Variants in CRMP1 observed in about 807,000 individuals in gnomAD.
The protein encoded by CRMP1 is collapsin response mediator protein 1, also known as dihydropyrimidinase-related protein 1.
In CRMP1, 19 loss-of-function variants were observed where a neutral mutation model predicts 68.3. That is an observed-to-expected ratio of 0.28 (90% CI 0.19 to 0.41). The LOEUF is 0.41. Among genes scored for constraint, CRMP1 ranks in the 10% least tolerant of loss-of-function variants. The pLI is 1.00. For synonymous variants in CRMP1, 439 were observed against 399.6 expected (o/e 1.10, Z -1.18); for missense variants, 791 against 967.4 (o/e 0.82, Z 2.42).
At chr4:5,832,666 G>A (rs988010131) in intron 11 of CRMP1, among the ~76,000 whole-genome samples, 5 of 152,088 alleles carry the variant, frequency 3.3e-5, no homozygotes, top group African/African-American at 7.2e-5. Flanking sequence ...ACCACCTCAC[G>A]GAATCCTCAA....
intron 12 of CRMP1, chr4:5,827,970 A>G: frequency 2.2e-6 from 2 of 921,212 alleles, no homozygotes; most frequent in Non-Finnish European, 2.6e-6. Context: ...GTTCAAGGAA[A>G]ATAAGGAACG....
At chr4:5,882,101 C>T (rs545670133) in intron 1 of CRMP1, among the ~76,000 whole-genome samples, 1 of 152,336 alleles carries the variant, frequency 6.6e-6, no homozygotes, top group East Asian at 1.9e-4. Context: ...TTTTACATGT[C>T]AGAACTTTCA....
chr4:5,834,906 G>A lies in CRMP1; in HGVS notation c.1623+1009C>T, dbSNP rs561877591. The stretch of plus-strand genomic sequence containing the variant: ...CGGACAAGGTCAGTGAGCAGCTACC[G>A]AGACCTCTGCTTCTGCAGGCCATGT... On this transcript the variant is annotated intron_variant, in intron 11 of 13. Coordinates refer to ENST00000324989, the MANE Select transcript of CRMP1 (RefSeq NM_001014809.3). The surrounding 1 kb of genome is among the most constrained non-coding windows in gnomAD (Gnocchi z 4.3). Among the ~76,000 whole-genome samples the A allele has an allele frequency of 9.2e-4, 140 of 152,300 alleles. No individual in the cohort carries two copies. Among genetic ancestry groups the A allele is most frequent in the African/African-American group, 2.7e-3 (112 of 41,580 alleles).
chr4:5,846,583 T>C lies in CRMP1; in HGVS notation c.963+2809A>G, dbSNP rs112496438. Among the ~76,000 whole-genome samples the C allele has an allele frequency of 7.7e-3, 1,084 of 141,474 alleles. 16 individuals are homozygous for C. Among genetic ancestry groups the C allele is most frequent in the African/African-American group, 0.025 (1,004 of 39,710 alleles). 92.8% of individuals were successfully genotyped at this position (141,474 alleles called of 152,430 possible). On this transcript the variant is annotated intron_variant, in intron 6 of 13. Transcript: ENST00000324989. Reference sequence around the variant, plus strand: ...AGGCATGTGATGTGAAAAGAAGCAGTTGGATCCCCAAAATTCTTTTTTTTT... The same window carrying C: ...AGGCATGTGATGTGAAAAGAAGCAGCTGGATCCCCAAAATTCTTTTTTTTT...
chr4:5,863,485 G>A (rs1427026666), intron 2 of CRMP1, among the ~76,000 whole-genome samples: 2 of 152,160 alleles, frequency 1.3e-5, no homozygotes, highest in Admixed American at 6.5e-5. Flanking sequence ...GACTGTCCCT[G>A]AACAGGGATT....
intron 13 of CRMP1, among the ~76,000 whole-genome samples, chr4:5,822,673 G>A (rs983758882): frequency 1.3e-5 from 2 of 152,172 alleles, no homozygotes; most frequent in African/African-American, 4.8e-5. Flanking sequence ...GCTGAAAGGT[G>A]GGAAGGATAG....
At chr4:5,848,084 A>G (rs1439029115) in intron 6 of CRMP1, among the ~76,000 whole-genome samples, 11 of 149,478 alleles carry the variant, frequency 7.4e-5, no homozygotes, top group Admixed American at 7.3e-4. Context: ...TCCATCTCCT[A>G]TCTCCTCTCT....
At chr4:5,845,807 A>T (rs1037236361) in intron 6 of CRMP1, among the ~76,000 whole-genome samples, 1 of 152,240 alleles carries the variant, frequency 6.6e-6, no homozygotes, top group African/African-American at 2.4e-5. Context: ...ACAGCAATTT[A>T]AATAGCCTTG....
chr4:5,833,086 G>T (rs1394615198), intron 11 of CRMP1, among the ~76,000 whole-genome samples: 1 of 152,156 alleles, frequency 6.6e-6, no homozygotes, highest in Non-Finnish European at 1.5e-5. Flanking sequence ...GGCCTGGAAG[G>T]GGTCTGCCCC....
Position 5,838,032 on chromosome 4 carries a change from G to A in CRMP1, c.1311-1126C>T, listed in dbSNP as rs545350717. ...AGTGTCAGGGATTCAACCAAAGCAG[G>A]TGGGGATGAGGCGTGCTGGGGACAG... On this transcript the variant is annotated intron_variant, in intron 9 of 13. Coordinates refer to ENST00000324989, the MANE Select transcript of CRMP1 (RefSeq NM_001014809.3). This position sits in a 1 kb window ranked among gnomAD's most constrained non-coding sequence, Gnocchi z 4.9. Among the ~76,000 whole-genome samples, 1 of 152,320 alleles carries A rather than the reference G, an allele frequency of 6.6e-6. No homozygotes were observed. The highest frequency in any genetic ancestry group is 1.9e-4 in the East Asian group (1 of 5,172).
Position 5,879,097 on chromosome 4 carries a change from C to A in CRMP1, c.382-12341G>T, listed in dbSNP as rs931815024. Among the ~76,000 whole-genome samples the A allele has an allele frequency of 6.6e-6, 1 of 152,224 alleles. No individual in the cohort carries two copies. The highest frequency in any genetic ancestry group is 2.4e-5 in the African/African-American group (1 of 41,460). ...TGCCTCGCTTCTCCTCAAAATCCTT[C>A]ACCAGCTTGTCCTCATCTGTAGGAC... On this transcript the variant is annotated intron_variant, in intron 1 of 13. Transcript: ENST00000324989. This position sits in a 1 kb window ranked among gnomAD's most constrained non-coding sequence, Gnocchi z 4.2.
intron 9 of CRMP1, among the ~76,000 whole-genome samples, chr4:5,837,678 T>A (rs201785280): frequency 1.3e-4 from 17 of 126,292 alleles, no homozygotes; most frequent in Middle Eastern, 3.6e-3. Flanking sequence ...TAAAATAAAA[T>A]AAATAAAATA....
rs1405500234 is a variant in CRMP1 at position 5,890,949 on chromosome 4, A to C, written c.381+1640T>G. 6.6e-6 allele frequency among the ~76,000 whole-genome samples: 1 copy of C among 152,100 alleles called. No individual in the cohort carries two copies. Among genetic ancestry groups the C allele is most frequent in the Admixed American group, 6.5e-5 (1 of 15,286 alleles). Reference sequence around the variant, plus strand: ...CTGACAGATGGAGAAGCTGAGGCCCAAGAGAGCAAAGCGCCTTGGCTGGAA... The same window carrying C: ...CTGACAGATGGAGAAGCTGAGGCCCCAGAGAGCAAAGCGCCTTGGCTGGAA... On this transcript the variant is annotated intron_variant, in intron 1 of 13. Transcript: ENST00000324989. The surrounding 1 kb of genome is among the most constrained non-coding windows in gnomAD (Gnocchi z 5.5).
rs1715860920 is a variant in CRMP1 at position 5,889,900 on chromosome 4, G to A, written c.381+2689C>T. 1 of 1,407,494 alleles carries A rather than the reference G, an allele frequency of 7.1e-7. No individual in the cohort carries two copies. The highest frequency in any genetic ancestry group is 9.2e-7 in the Non-Finnish European group (1 of 1,082,322). The allele number at this position is 1,407,494 out of a possible 1,614,324, so 87.2% of individuals were successfully genotyped here. A position where few individuals can be genotyped will look rare whatever the true frequency, so the allele number is the denominator to read the frequency against. ...CAGAGAAGCCAGCTCAGTATCCCAG[G>A]AACACTAGGCATAATTTTCCCATTT... On this transcript the variant is annotated intron_variant, in intron 1 of 13. Transcript: ENST00000324989. The surrounding 1 kb of genome is among the most constrained non-coding windows in gnomAD (Gnocchi z 4.5).
In CRMP1 at chr4:5,889,513, G is replaced by C. The variant is rs746858170; in HGVS notation, c.381+3076C>G. ...GCCAGGTCACAGCTTGACAAGGTCCGTAACAGCAGAGGGGAAAAGATGAAA... is the reference window on the plus strand; with the variant it reads ...GCCAGGTCACAGCTTGACAAGGTCCCTAACAGCAGAGGGGAAAAGATGAAA... On this transcript the variant is annotated intron_variant, in intron 1 of 13. Coordinates refer to ENST00000324989, the MANE Select transcript of CRMP1 (RefSeq NM_001014809.3). The surrounding 1 kb of genome is among the most constrained non-coding windows in gnomAD (Gnocchi z 4.5). 2 of 1,504,042 alleles carry C rather than the reference G, an allele frequency of 1.3e-6. No homozygotes were observed. Among genetic ancestry groups the C allele is most frequent in the Non-Finnish European group, 8.9e-7 (1 of 1,118,704 alleles). 93.2% of individuals were successfully genotyped at this position (1,504,042 alleles called of 1,614,324 possible).
At chr4:5,862,432 C>T (rs560837585) in intron 2 of CRMP1, among the ~76,000 whole-genome samples, 2 of 152,306 alleles carry the variant, frequency 1.3e-5, no homozygotes, top group South Asian at 4.1e-4. Flanking sequence ...ATCCTTTCTT[C>T]CCCAGTCCTT....
intron 6 of CRMP1, among the ~76,000 whole-genome samples, chr4:5,848,206 G>A (rs551856067): frequency 1.9e-4 from 29 of 150,976 alleles, no homozygotes; most frequent in Non-Finnish European, 3.2e-4. Context: ...GTGCAGTGGC[G>A]TGATCTCAGC....
At chr4:5,848,488 C>T (rs965020254) in intron 6 of CRMP1, among the ~76,000 whole-genome samples, 8 of 152,184 alleles carry the variant, frequency 5.3e-5, no homozygotes, top group Admixed American at 1.3e-4. Context: ...CCACAACTCC[C>T]AGCTTTCATT....
At chr4:5,829,527 A>C (rs755391126) in intron 11 of CRMP1, among the ~76,000 whole-genome samples, 1 of 152,234 alleles carries the variant, frequency 6.6e-6, no homozygotes, top group Non-Finnish European at 1.5e-5. Flanking sequence ...GAAAACAATC[A>C]ACTGGTAAAA....
Sources: gnomAD v4.1 joint callset for allele counts (sites outside exome capture counted in the v4.1 genomes callset) on GRCh38, gnomAD v4.1.1 for gene constraint, Gnocchi (gnomAD v3.1) non-coding constraint, MANE v1.5 for transcripts, NCBI Gene and HGNC (gene_info 2026-07-23, HGNC 2026-07-21) for gene names.